The following SIPA1L2 variants were observed in gnomAD, a reference collection of about 807,000 sequenced individuals.
SIPA1L2 encodes signal induced proliferation associated 1 like 2.
A neutral mutation model predicts 163.9 loss-of-function variants in SIPA1L2; 56 were observed. The ratio of observed to expected loss-of-function variants is 0.34; its 90% CI spans 0.28 to 0.43. The LOEUF (loss-of-function observed/expected upper bound fraction) is 0.43, where lower values mean the gene tolerates loss of function less well. SIPA1L2 is among the 20% of genes least tolerant of loss of function. SIPA1L2 has a pLI of 1.00. For missense variants in SIPA1L2, 1,974 were observed against 2,193.5 expected (o/e 0.90, Z 2.00); for synonymous variants, 877 against 865.7 (o/e 1.01, Z -0.23).
chr1:232,518,727 T>C (rs1408993686), intron 2 of SIPA1L2, among the ~76,000 whole-genome samples: 2 of 152,178 alleles, frequency 1.3e-5, no homozygotes, highest in Non-Finnish European at 2.9e-5. Context: ...CCCATTTCCA[T>C]GCCTTCTAAG....
intron 2 of SIPA1L2, among the ~76,000 whole-genome samples, chr1:232,570,126 C>T (rs757496321): frequency 6.6e-6 from 1 of 152,186 alleles, no homozygotes; most frequent in Non-Finnish European, 1.5e-5. Context: ...CACTACAGTG[C>T]CAGCTATCTC....
intron 17 of SIPA1L2, among the ~76,000 whole-genome samples, 154 bp from the exon 18 acceptor site, chr1:232,425,962 G>T (rs1164010352): frequency 6.6e-6 from 1 of 152,178 alleles, no homozygotes; most frequent in Non-Finnish European, 1.5e-5. Context: ...GCATGCAGGG[G>T]ATCAAGGCAA....
intron 10 of SIPA1L2, 129 bp from the exon 11 acceptor site, chr1:232,445,915 C>T: frequency 9.0e-6 from 8 of 890,108 alleles, no homozygotes; most frequent in Non-Finnish European, 1.4e-5. Flanking sequence ...GTCAATGATG[C>T]AGAGCGATCC....
At chr1:232,437,706 G>A (rs1662650228) in intron 15 of SIPA1L2, among the ~76,000 whole-genome samples, 1 of 152,148 alleles carries the variant, frequency 6.6e-6, no homozygotes, top group Non-Finnish European at 1.5e-5. Flanking sequence ...CTAACCACGT[G>A]ATTAGAGCTA....
Position 232,562,721 on chromosome 1 carries a change from C to T in SIPA1L2, c.-270+11453G>A, listed in dbSNP as rs76908598. On this transcript the variant is annotated intron_variant, in intron 2 of 22. Transcript: ENST00000674635. ...TGTTTACTACTGACTCTGTTTAGTC[C>T]ACTTGATAATCAGATCTGAACAAGG... Among the ~76,000 whole-genome samples the T allele has an allele frequency of 6.4e-3, 972 of 152,192 alleles. 23 individuals carry two copies. The highest frequency in any genetic ancestry group is 0.028 in the Admixed American group (421 of 15,298).
intron 3 of SIPA1L2, among the ~76,000 whole-genome samples, chr1:232,500,810 A>C (rs970101997): frequency 2.0e-5 from 3 of 152,206 alleles, no homozygotes; most frequent in Non-Finnish European, 4.4e-5. Flanking sequence ...AAGACGTTCT[A>C]CTGTGGGTCA....
chr1:232,503,974 T>G (rs1666602451), intron 3 of SIPA1L2, among the ~76,000 whole-genome samples: 2 of 152,076 alleles, frequency 1.3e-5, no homozygotes, highest in African/African-American at 4.8e-5. Flanking sequence ...AAGGATTGCT[T>G]GAGGCCAGGA....
chr1:232,470,818 T>C (rs1664762311), intron 8 of SIPA1L2, among the ~76,000 whole-genome samples: 1 of 152,210 alleles, frequency 6.6e-6, no homozygotes, highest in South Asian at 2.1e-4. Flanking sequence ...CCCATTGTTT[T>C]ACCAATACCC....
chr1:232,548,601 C>A (rs746165247), intron 2 of SIPA1L2, among the ~76,000 whole-genome samples: 8 of 152,160 alleles, frequency 5.3e-5, no homozygotes, highest in Non-Finnish European at 7.3e-5. Context: ...TTCATTTACT[C>A]TTTCAATAAA....
intron 5 of SIPA1L2, among the ~76,000 whole-genome samples, chr1:232,486,978 T>C (rs763343321): frequency 5.9e-5 from 9 of 152,252 alleles, no homozygotes; most frequent in African/African-American, 9.6e-5. Flanking sequence ...TTTAAGTCTA[T>C]TGCAGCAACC....
At chr1:232,516,933 T>G (rs1439473319) in intron 2 of SIPA1L2, among the ~76,000 whole-genome samples, 2 of 152,166 alleles carry the variant, frequency 1.3e-5, no homozygotes, top group Non-Finnish European at 2.9e-5. Flanking sequence ...TTGGAAAATA[T>G]GTAACACCTG....
At chr1:232,427,604 GT>G (rs1291818885) in intron 17 of SIPA1L2, among the ~76,000 whole-genome samples, 2 of 151,590 alleles carry the variant, frequency 1.3e-5, no homozygotes, top group Admixed American at 6.6e-5. Flanking sequence ...GCTAAATGGG[GT>G]GATTGGGCTA....
chr1:232,528,037 C>T (rs1429061144), intron 2 of SIPA1L2, among the ~76,000 whole-genome samples: 1 of 145,088 alleles, frequency 6.9e-6, no homozygotes, highest in Non-Finnish European at 1.5e-5. Context: ...ACAGAACACC[C>T]AACAGTGAAA....
At chr1:232,415,904 C>T (rs1441830978) in intron 18 of SIPA1L2, 1 of 231,252 alleles carries the variant, frequency 4.3e-6, no homozygotes, top group Non-Finnish European at 7.5e-6. Flanking sequence ...CACTGTCCCT[C>T]CCAGAGTCAG....
intron 1 of SIPA1L2, among the ~76,000 whole-genome samples, chr1:232,596,737 G>A (rs1300410613): frequency 6.6e-6 from 1 of 152,168 alleles, no homozygotes; most frequent in Non-Finnish European, 1.5e-5. Context: ...AATCACTACA[G>A]GGAAGAAGAG....
chr1:232,449,027 A>G (rs1343786932), intron 10 of SIPA1L2, among the ~76,000 whole-genome samples: 1 of 152,162 alleles, frequency 6.6e-6, no homozygotes, highest in Non-Finnish European at 1.5e-5. Context: ...ACCACCCCAC[A>G]GAGATCAAAG....
At chr1:232,484,678 C>A (rs190359499) in intron 5 of SIPA1L2, among the ~76,000 whole-genome samples, 31 of 152,282 alleles carry the variant, frequency 2.0e-4, no homozygotes, top group Admixed American at 1.1e-3. Flanking sequence ...ACAGTCAATG[C>A]CAGGTTCATG....
chr1:232,483,013 CCTG>C lies in SIPA1L2; in HGVS notation c.1981+776_1981+778del, dbSNP rs577937412. ...TTCCAATATGCATCAAATTACTCTG[CCTG>C]CTATTTCAGATACTCATAGCAACTA... is the stretch of plus-strand genomic sequence containing the variant. On this transcript the variant is annotated intron_variant, in intron 6 of 22. Transcript: ENST00000674635. 7.4e-3 allele frequency among the ~76,000 whole-genome samples: 1,127 copies of C among 152,314 alleles called. 15 individuals are homozygous for C. Among genetic ancestry groups the C allele is most frequent in the African/African-American group, 0.025 (1,056 of 41,574 alleles).
chr1:232,523,686 C>T (rs889985962), intron 2 of SIPA1L2, among the ~76,000 whole-genome samples: 3 of 152,126 alleles, frequency 2.0e-5, no homozygotes, highest in South Asian at 2.1e-4. Context: ...ACAATCCTTC[C>T]GGAAAACATT....
Sources: gnomAD v4.1 joint callset for allele counts (sites outside exome capture counted in the v4.1 genomes callset) on GRCh38, gnomAD v4.1.1 for gene constraint, MANE v1.5 for transcripts, NCBI Gene and HGNC (gene_info 2026-07-23, HGNC 2026-07-21) for gene names.